The following OR8B3 variants were observed in gnomAD, a reference collection of about 807,000 sequenced individuals.
OR8B3 encodes olfactory receptor family 8 subfamily B member 3.
For synonymous variants in OR8B3, 102 were observed against 135.4 expected (o/e 0.75, Z 1.71); for missense variants, 278 against 377.6 (o/e 0.74, Z 2.19).
At chr11:124,409,454 G>A in the OR8B3 span, among the ~76,000 whole-genome samples, 3 of 152,172 alleles carry the variant, frequency 2.0e-5, no homozygotes, top group African/African-American at 7.2e-5. Flanking sequence ...TAATAAAAGA[G>A]CTTAGCATTG....
the OR8B3 span, among the ~76,000 whole-genome samples, chr11:124,407,924 T>C: frequency 1.3e-5 from 2 of 152,308 alleles, no homozygotes; most frequent in Admixed American, 1.3e-4. Context: ...TCCATGAATA[T>C]CATGTATCTT....
chr11:124,405,989 GTCTA>G, the OR8B3 span, among the ~76,000 whole-genome samples: 5 of 152,146 alleles, frequency 3.3e-5, no homozygotes, highest in African/African-American at 1.2e-4. Flanking sequence ...TTCCCCTGGA[GTCTA>G]TGCACAGTGC....
In OR8B3 at chr11:124,397,072, A is replaced by T. The variant is rs542283535; in HGVS notation, c.280T>A (p.Tyr94Asn). ...AACAGCTGAGTCATGCACCCAACAT[A>T]GGAGATAATATTCTTTTTTGATACA... Reference protein sequence around the residue: ...NFVSKKNIISYVGCMTQLFFF... With the variant: ...NFVSKKNIISNVGCMTQLFFF... Residue 94 changes from tyrosine (Y) to asparagine (N), a missense_variant, in exon 2 of 2, where the codon TAT (tyrosine) becomes AAT (asparagine). Coordinates refer to ENST00000641139, the MANE Select transcript of OR8B3 (RefSeq NM_001005467.2). 1.1e-5 allele frequency: 17 copies of T among 1,613,942 alleles called. No individual in the cohort carries two copies. The highest frequency in any genetic ancestry group is 1.7e-4 in the Middle Eastern group (1 of 6,056).
Position 124,396,920 on chromosome 11 carries a change from G to A in OR8B3, c.432C>T (p.Leu144=), listed in dbSNP as rs1860888555. The A allele has an allele frequency of 6.2e-7, 1 of 1,605,728 alleles. No homozygotes were observed. Among genetic ancestry groups the A allele is most frequent in the Non-Finnish European group, 8.5e-7 (1 of 1,175,750 alleles). The change falls in exon 2 of 2, where the codon CTC becomes CTT. Residue 144 remains leucine (L), a synonymous_variant. Coordinates refer to ENST00000641139, the MANE Select transcript of OR8B3 (RefSeq NM_001005467.2). ...VTMSHQVCSM[L]TFAAYIMGLA... Reference sequence around the variant, plus strand: ...ATCCCATTATGTAAGCAGCAAAAGTGAGCATAGAACAGACCTGATGGGACA... The same window carrying A: ...ATCCCATTATGTAAGCAGCAAAAGTAAGCATAGAACAGACCTGATGGGACA...
At chr11:124,401,184 T>G (rs1384557244), upstream of OR8B3, among the ~76,000 whole-genome samples, 1 of 147,176 alleles carries the variant, frequency 6.8e-6, no homozygotes, top group African/African-American at 2.6e-5. Context: ...TGCAAGAGCC[T>G]TCTTGCTGTA....
upstream of OR8B3, among the ~76,000 whole-genome samples, chr11:124,402,777 T>G (rs1334705328): frequency 6.6e-6 from 1 of 152,132 alleles, no homozygotes; most frequent in African/African-American, 2.4e-5. Flanking sequence ...GTAAGAGCTT[T>G]AAACAAATCC....
chr11:124,397,449 G>A (rs1399662297), intron 1 of OR8B3, 81 bp from the exon 2 acceptor site: 1 of 659,996 alleles, frequency 1.5e-6, no homozygotes, highest in Non-Finnish European at 2.5e-6. Context: ...GACTCAGGCT[G>A]TAGGAATTTG....
chr11:124,402,839 T>TG (rs1379099802), upstream of OR8B3, among the ~76,000 whole-genome samples: 1 of 151,698 alleles, frequency 6.6e-6, no homozygotes, highest in Non-Finnish European at 1.5e-5. Context: ...ATGCTTCTTT[T>TG]TTTTTTTTTA....
At chr11:124,400,061 A>G (rs1860965034), upstream of OR8B3, among the ~76,000 whole-genome samples, 1 of 152,148 alleles carries the variant, frequency 6.6e-6, no homozygotes. Flanking sequence ...GGATTTCATC[A>G]TATTGCCCAG....
upstream of OR8B3, among the ~76,000 whole-genome samples, chr11:124,403,790 G>A (rs1171725706): frequency 2.0e-5 from 3 of 152,194 alleles, no homozygotes; most frequent in East Asian, 1.9e-4. Context: ...GTAGCGAGCC[G>A]AGATCACGCC....
upstream of OR8B3, among the ~76,000 whole-genome samples, chr11:124,400,705 A>G (rs1455921835): frequency 2.0e-5 from 3 of 151,488 alleles, no homozygotes; most frequent in East Asian, 5.8e-4. Flanking sequence ...CACCCAGCTA[A>G]TCTTTTTTTA....
chr11:124,407,049 A>G, the OR8B3 span, among the ~76,000 whole-genome samples: 2 of 152,188 alleles, frequency 1.3e-5, no homozygotes, highest in East Asian at 3.9e-4. Flanking sequence ...AATTATCCTC[A>G]TGACCTCTTC....
At chr11:124,403,028 A>G (rs1328155758), upstream of OR8B3, among the ~76,000 whole-genome samples, 1 of 151,936 alleles carries the variant, frequency 6.6e-6, no homozygotes, top group African/African-American at 2.4e-5. Context: ...AGTGGTGATG[A>G]CTCTTAATGA....
At chr11:124,403,939 C>T (rs1336094276), upstream of OR8B3, among the ~76,000 whole-genome samples, 1 of 152,186 alleles carries the variant, frequency 6.6e-6, no homozygotes, top group Non-Finnish European at 1.5e-5. Flanking sequence ...AGCGAAACCC[C>T]GTCTCCACCA....
the OR8B3 span, among the ~76,000 whole-genome samples, chr11:124,407,549 T>C: frequency 2.0e-5 from 3 of 152,144 alleles, no homozygotes; most frequent in Non-Finnish European, 4.4e-5. Context: ...CCTAATGTCA[T>C]TTTTCTGTGC....
intron 1 of OR8B3, among the ~76,000 whole-genome samples, chr11:124,398,438 G>A (rs1395062756): frequency 1.3e-5 from 2 of 152,152 alleles, no homozygotes; most frequent in Middle Eastern, 3.2e-3. Context: ...TATAGCACAT[G>A]TCAATATATT....
the OR8B3 span, among the ~76,000 whole-genome samples, chr11:124,406,793 C>CCA: frequency 0.076 from 11,052 of 145,104 alleles, 454 homozygotes; most frequent in Non-Finnish European, 0.099. Context: ...CTCCTTCTCA[C>CCA]CACACACACA....
At chr11:124,402,244 T>G (rs1861005681), upstream of OR8B3, among the ~76,000 whole-genome samples, 1 of 152,224 alleles carries the variant, frequency 6.6e-6, no homozygotes, top group African/African-American at 2.4e-5. Context: ...TTCAAGAAAG[T>G]CACCAATTTG....
In OR8B3 at chr11:124,397,380, A is replaced by T. The variant is rs1454633881; in HGVS notation, c.-17-12T>A. The T allele has an allele frequency of 2.0e-6, 2 of 997,606 alleles. No individual in the cohort carries two copies. The highest frequency in any genetic ancestry group is 3.0e-6 in the Non-Finnish European group (2 of 674,420). The allele number at this position is 997,606 out of a possible 1,614,324, so 61.8% of individuals were successfully genotyped here. On this transcript the variant is annotated splice_polypyrimidine_tract_variant and intron_variant, in intron 1 of 1. Coordinates refer to ENST00000641139, the MANE Select transcript of OR8B3 (RefSeq NM_001005467.2). Reference sequence around the variant, plus strand: ...TTGTCTTCAAAAATCTGGGAAGACAAAAGAAAATTCTATTAGGAACACAGA... The same window carrying T: ...TTGTCTTCAAAAATCTGGGAAGACATAAGAAAATTCTATTAGGAACACAGA...
Sources: gnomAD v4.1 joint callset for allele counts (sites outside exome capture counted in the v4.1 genomes callset) on GRCh38, gnomAD v4.1.1 for gene constraint, MANE v1.5 for transcripts, NCBI Gene and HGNC (gene_info 2026-07-23, HGNC 2026-07-21) for gene names.